Variants in RAPGEF6 observed in about 807,000 individuals in gnomAD.
RAPGEF6 encodes the protein PDZ domain containing guanine nucleotide exchange factor (GEF) 2.
In RAPGEF6, 56 loss-of-function variants were observed where a neutral mutation model predicts 171.4. The ratio of observed to expected loss-of-function variants is 0.33; its 90% CI spans 0.26 to 0.41. The LOEUF (loss-of-function observed/expected upper bound fraction) is 0.41, where lower values mean the gene tolerates loss of function less well. Ranked by LOEUF, RAPGEF6 falls within the 10% of genes least tolerant of loss-of-function variation. The pLI, the probability that RAPGEF6 is intolerant of heterozygous loss-of-function variation, is 1.00. For synonymous variants in RAPGEF6, 692 were observed against 650.1 expected (o/e 1.06, Z -0.98); for missense variants, 1,674 against 1,921.4 (o/e 0.87, Z 2.41).
intron 11 of RAPGEF6, 61 bp from the exon 12 acceptor site, chr5:131,498,668 TA>T: frequency 6.9e-7 from 1 of 1,452,694 alleles, no homozygotes; most frequent in Non-Finnish European, 9.5e-7. Context: ...ACCAAAGAAC[TA>T]TTGTTGATTA....
At chr5:131,617,581 T>A (rs1474798358) in intron 1 of RAPGEF6, among the ~76,000 whole-genome samples, 1 of 152,050 alleles carries the variant, frequency 6.6e-6, no homozygotes, top group Non-Finnish European at 1.5e-5. Flanking sequence ...GCCTCTTGAG[T>A]AGCTGGGATT....
chr5:131,542,388 C>T (rs1760210354), intron 6 of RAPGEF6, among the ~76,000 whole-genome samples: 1 of 152,078 alleles, frequency 6.6e-6, no homozygotes, highest in Admixed American at 6.6e-5. Context: ...AATCCTTTTA[C>T]AAATCTATAA....
chr5:131,435,646 T>TA lies in RAPGEF6; in HGVS notation c.3746-1989dup, dbSNP rs1751965902. ...TGATTCTGATATTGCTATGTTAGACTAGTCCCTTCTCCCCCAATCAAAGAT... is the reference window on the plus strand; with the variant it reads ...TGATTCTGATATTGCTATGTTAGACTAAGTCCCTTCTCCCCCAATCAAAGAT... On this transcript the variant is annotated intron_variant, in intron 24 of 27. Coordinates refer to ENST00000509018, the MANE Select transcript of RAPGEF6 (RefSeq NM_016340.6). 3 of 271,116 alleles carry TA rather than the reference T, an allele frequency of 1.1e-5. No individual in the cohort carries two copies. In the South Asian group the frequency reaches 1.7e-4, roughly 16 times the overall value. The allele number at this position is 271,116 out of a possible 1,614,324, so 16.8% of individuals were successfully genotyped here. A position where few individuals can be genotyped will look rare whatever the true frequency, so the allele number is the denominator to read the frequency against.
chr5:131,602,948 T>C (rs1193711107), intron 3 of RAPGEF6, among the ~76,000 whole-genome samples: 1 of 152,212 alleles, frequency 6.6e-6, no homozygotes, highest in East Asian at 1.9e-4. Flanking sequence ...ATTCTCTCTA[T>C]ACCAAGTTCA....
chr5:131,485,380 G>A (rs1448254533), intron 15 of RAPGEF6, among the ~76,000 whole-genome samples: 1 of 152,210 alleles, frequency 6.6e-6, no homozygotes, highest in African/African-American at 2.4e-5. Flanking sequence ...GTCAGGTAGA[G>A]GGACTCTTCG....
intron 1 of RAPGEF6, among the ~76,000 whole-genome samples, chr5:131,618,556 T>C (rs531523378): frequency 2.8e-4 from 42 of 152,254 alleles, no homozygotes; most frequent in African/African-American, 1.0e-3. Context: ...AAGAATCGCT[T>C]GAACCTGGGA....
At chr5:131,448,736 A>G (rs1752876185) in intron 21 of RAPGEF6, among the ~76,000 whole-genome samples, 1 of 152,230 alleles carries the variant, frequency 6.6e-6, no homozygotes, top group Non-Finnish European at 1.5e-5. Context: ...AATGTTTGTA[A>G]GCATCATACA....
intron 4 of RAPGEF6, among the ~76,000 whole-genome samples, chr5:131,584,629 T>C (rs1028230162): frequency 1.3e-5 from 2 of 152,192 alleles, no homozygotes; most frequent in African/African-American, 4.8e-5. Flanking sequence ...AACAGTGCTA[T>C]TGTAGAATTT....
chr5:131,496,244 T>A (rs1056292458), intron 12 of RAPGEF6, among the ~76,000 whole-genome samples: 1 of 152,198 alleles, frequency 6.6e-6, no homozygotes, highest in African/African-American at 2.4e-5. Context: ...ACTGTAAATT[T>A]TCAAACTGCA....
chr5:131,539,823 A>G (rs1760018154), intron 6 of RAPGEF6, among the ~76,000 whole-genome samples: 1 of 152,356 alleles, frequency 6.6e-6, no homozygotes, highest in Admixed American at 6.5e-5. Context: ...ATATAATCAG[A>G]GAAGTAGCAA....
chr5:131,610,550 A>G (rs1287580099), intron 1 of RAPGEF6, among the ~76,000 whole-genome samples: 1 of 152,208 alleles, frequency 6.6e-6, no homozygotes, highest in African/African-American at 2.4e-5. Context: ...TCCCAGCATT[A>G]GCCTGAGAAG....
intron 20 of RAPGEF6, among the ~76,000 whole-genome samples, chr5:131,453,589 T>C (rs1197691382): frequency 6.6e-6 from 1 of 151,878 alleles, no homozygotes; most frequent in African/African-American, 2.4e-5. Flanking sequence ...AGATCTCAAC[T>C]CAAAAAAATC....
In RAPGEF6 at chr5:131,521,532, A is replaced by T. The variant is rs770047981; in HGVS notation, c.496-11T>A. 13 of 1,586,444 alleles carry T rather than the reference A, an allele frequency of 8.2e-6. No homozygotes were observed. Among genetic ancestry groups the T allele is most frequent in the East Asian group, 2.2e-5 (1 of 44,534 alleles). On this transcript the variant is annotated splice_polypyrimidine_tract_variant and intron_variant, in intron 6 of 27. Transcript: ENST00000509018. ...AAGATCAGCTGGAAGCTGAAAAAAA[A>T]AATAATTTAAGTTATTCTAAATGTC...
At chr5:131,614,812 G>A (rs1765167273) in intron 1 of RAPGEF6, among the ~76,000 whole-genome samples, 1 of 152,188 alleles carries the variant, frequency 6.6e-6, no homozygotes, top group Non-Finnish European at 1.5e-5. Flanking sequence ...TGTTTTTCTA[G>A]TATCCCAAGC....
intron 4 of RAPGEF6, among the ~76,000 whole-genome samples, chr5:131,571,031 G>A (rs763734341): frequency 1.7e-4 from 24 of 144,962 alleles, no homozygotes; most frequent in East Asian, 8.1e-4. Context: ...TGCAACCTCC[G>A]CCTCCCAGGT....
chr5:131,426,727 C>T lies in RAPGEF6; in HGVS notation c.*539G>A. The T allele has an allele frequency of 6.1e-6, 1 of 163,780 alleles. No homozygotes were observed. Among genetic ancestry groups the T allele is most frequent in the Non-Finnish European group, 1.3e-5 (1 of 76,184 alleles). 10.1% of individuals were successfully genotyped at this position (163,780 alleles called of 1,614,324 possible). On this transcript the variant is annotated 3_prime_UTR_variant, in exon 28 of 28. Coordinates refer to ENST00000509018, the MANE Select transcript of RAPGEF6 (RefSeq NM_016340.6). ...CATATCACCTCTGTAAAGATGACTT[C>T]TGTTTGGTCAGACCAGAGACAATTT...
intron 26 of RAPGEF6, 45 bp downstream of exon 26, chr5:131,430,814 A>AC: frequency 6.3e-7 from 1 of 1,579,436 alleles, no homozygotes; most frequent in Non-Finnish European, 8.6e-7. Context: ...CCATTTTTTG[A>AC]CTACTTAATC....
At chr5:131,515,621 G>A (rs1163489418) in intron 7 of RAPGEF6, among the ~76,000 whole-genome samples, 1 of 152,174 alleles carries the variant, frequency 6.6e-6, no homozygotes, top group Non-Finnish European at 1.5e-5. Flanking sequence ...AAAAAAAGCA[G>A]AGAGAAAAAG....
intron 4 of RAPGEF6, 71 bp downstream of exon 4, chr5:131,592,312 A>G: frequency 6.4e-7 from 1 of 1,560,748 alleles, no homozygotes; most frequent in Non-Finnish European, 8.7e-7. Flanking sequence ...CACTTACTGA[A>G]AGAAAATATA....
Sources: gnomAD v4.1 joint callset for allele counts (sites outside exome capture counted in the v4.1 genomes callset) on GRCh38, gnomAD v4.1.1 for gene constraint, MANE v1.5 for transcripts, NCBI Gene and HGNC (gene_info 2026-07-23, HGNC 2026-07-21) for gene names.